EPHA5: variants seen among roughly 807,000 people sequenced by gnomAD.
EPHA5 encodes ephrin type-A receptor 5.
EPHA5 carries 60 observed loss-of-function variants against 105.0 expected under a neutral mutation model. The observed-to-expected ratio is 0.57, with a 90% CI of 0.46 to 0.71. The LOEUF (loss-of-function observed/expected upper bound fraction) is 0.71. Among genes scored for constraint, EPHA5 ranks in the 30% least tolerant of loss-of-function variants. The pLI, the probability that EPHA5 is intolerant of heterozygous loss-of-function variation, is 0.00. For missense variants in EPHA5, 1,218 were observed against 1,274.7 expected (o/e 0.96, Z 0.68); for synonymous variants, 513 against 449.1 (o/e 1.14, Z -1.80).
chr4:65,647,876 C>T (rs1467467900), intron 1 of EPHA5, among the ~76,000 whole-genome samples: 1 of 152,018 alleles, frequency 6.6e-6, no homozygotes, highest in Non-Finnish European at 1.5e-5. Context: ...TACTAAATTG[C>T]AAATTCCTAA....
chr4:65,424,537 A>C (rs1724239565), intron 5 of EPHA5, among the ~76,000 whole-genome samples: 1 of 152,106 alleles, frequency 6.6e-6, no homozygotes, highest in Admixed American at 6.6e-5. Flanking sequence ...GTGGGTGCCA[A>C]ATAAATACTA....
intron 7 of EPHA5, among the ~76,000 whole-genome samples, chr4:65,406,623 T>G (rs1722383546): frequency 6.6e-6 from 1 of 152,144 alleles, no homozygotes; most frequent in Non-Finnish European, 1.5e-5. Flanking sequence ...TCTTTCTCCC[T>G]CTTTCTGATA....
intron 7 of EPHA5, among the ~76,000 whole-genome samples, chr4:65,405,036 T>G (rs1292798577): frequency 6.6e-6 from 1 of 152,150 alleles, no homozygotes; most frequent in Non-Finnish European, 1.5e-5. Context: ...AAGCACAATA[T>G]ATTTCATAAA....
intron 3 of EPHA5, among the ~76,000 whole-genome samples, chr4:65,523,896 T>C (rs184375166): frequency 7.9e-5 from 12 of 151,994 alleles, no homozygotes; most frequent in Admixed American, 3.9e-4. Context: ...TCCACTTTCA[T>C]ATCACAAGAG....
At chr4:65,387,774 A>G (rs1445105975) in intron 8 of EPHA5, among the ~76,000 whole-genome samples, 1 of 151,842 alleles carries the variant, frequency 6.6e-6, no homozygotes, top group East Asian at 1.9e-4. Context: ...ATACTGGTTT[A>G]TTACATATTT....
intron 3 of EPHA5, among the ~76,000 whole-genome samples, chr4:65,597,905 TGAAG>T (rs528192600): frequency 4.2e-4 from 64 of 152,234 alleles, no homozygotes; most frequent in African/African-American, 1.5e-3. Context: ...TTCTGAATCT[TGAAG>T]GTTTAGTTTG....
intron 5 of EPHA5, among the ~76,000 whole-genome samples, chr4:65,476,032 T>C (rs969602672): frequency 5.3e-5 from 8 of 151,292 alleles, no homozygotes; most frequent in African/African-American, 1.9e-4. Flanking sequence ...AAAATAAATA[T>C]CAGAACTTCC....
At chr4:65,636,054 A>G (rs1406952563) in intron 2 of EPHA5, among the ~76,000 whole-genome samples, 2 of 152,176 alleles carry the variant, frequency 1.3e-5, no homozygotes, top group Non-Finnish European at 2.9e-5. Context: ...ATGCTTTCAT[A>G]ATTTTAATTA....
At chr4:65,613,226 GATCT>G (rs1744934018) in intron 2 of EPHA5, among the ~76,000 whole-genome samples, 1 of 151,970 alleles carries the variant, frequency 6.6e-6, no homozygotes, top group Non-Finnish European at 1.5e-5. Flanking sequence ...CTGTTCCACT[GATCT>G]ATCTGTCTAT....
intron 5 of EPHA5, among the ~76,000 whole-genome samples, chr4:65,441,743 A>T (rs1421413547): frequency 3.9e-5 from 6 of 152,164 alleles, no homozygotes; most frequent in African/African-American, 1.4e-4. Flanking sequence ...TAATAAAAAA[A>T]TGGTTTGGAA....
intron 7 of EPHA5, among the ~76,000 whole-genome samples, chr4:65,406,041 C>T (rs13118723): frequency 6.6e-6 from 1 of 152,058 alleles, no homozygotes; most frequent in Non-Finnish European, 1.5e-5. Flanking sequence ...AAATCATCCC[C>T]GTAATGAGAC....
At chr4:65,666,376 C>T (rs1346068960) in intron 1 of EPHA5, among the ~76,000 whole-genome samples, 1 of 152,078 alleles carries the variant, frequency 6.6e-6, no homozygotes. Flanking sequence ...CAGTAATTGG[C>T]CAAGAATCCC....
At chr4:65,436,069 A>T (rs533186960) in intron 5 of EPHA5, among the ~76,000 whole-genome samples, 1 of 152,012 alleles carries the variant, frequency 6.6e-6, no homozygotes, top group South Asian at 2.1e-4. Context: ...CGAAATAACT[A>T]TAAATAATAT....
rs2149571450 is a variant in EPHA5 at position 65,669,647 on chromosome 4, G to A, written c.96C>T (p.Tyr32=). Residue 32 remains tyrosine (Y), a synonymous_variant, in exon 1 of 17, where the codon TAC becomes TAT. Transcript: ENST00000613740. Reference sequence around the variant, plus strand: ...AGAGGGGAGCCCGTCGAGGTGCAGAGTAGCAGCCGGCCAGGGACGCTGGGG... The same window carrying A: ...AGAGGGGAGCCCGTCGAGGTGCAGAATAGCAGCCGGCCAGGGACGCTGGGG... ...PITPASLAGC[Y]SAPRRAPLWT... 3 of 1,394,730 alleles carry A rather than the reference G, an allele frequency of 2.2e-6. 1 individual carries two copies. Among genetic ancestry groups the A allele is most frequent in the Middle Eastern group, 2.0e-4 (1 of 4,944 alleles). 86.4% of individuals were successfully genotyped at this position (1,394,730 alleles called of 1,614,324 possible).
At chr4:65,411,035 A>G in intron 7 of EPHA5, among the ~76,000 whole-genome samples, 1 of 152,150 alleles carries the variant, frequency 6.6e-6, no homozygotes, top group Non-Finnish European at 1.5e-5. Flanking sequence ...TTGTTGATAT[A>G]TTGTTTTGTT....
At chr4:65,440,217 C>A (rs1725878792) in intron 5 of EPHA5, among the ~76,000 whole-genome samples, 1 of 151,796 alleles carries the variant, frequency 6.6e-6, no homozygotes, top group Admixed American at 6.6e-5. Flanking sequence ...AATATGAATA[C>A]TACTAAAATA....
intron 1 of EPHA5, among the ~76,000 whole-genome samples, chr4:65,656,378 T>A (rs1196395035): frequency 6.6e-6 from 1 of 151,372 alleles, no homozygotes; most frequent in Non-Finnish European, 1.5e-5. Context: ...AACTGAAAGC[T>A]TATGCTTAAC....
intron 2 of EPHA5, among the ~76,000 whole-genome samples, chr4:65,620,932 G>T (rs941821885): frequency 2.0e-5 from 3 of 152,108 alleles, no homozygotes; most frequent in Admixed American, 6.5e-5. Context: ...GAGATAGGAG[G>T]AAAAGAAAGT....
chr4:65,353,933 T>C (rs1218847145), intron 11 of EPHA5, among the ~76,000 whole-genome samples: 1 of 151,742 alleles, frequency 6.6e-6, no homozygotes, highest in Non-Finnish European at 1.5e-5. Flanking sequence ...ATGAAAATGG[T>C]TCTCCTTCTT....
Sources: gnomAD v4.1 joint callset for allele counts (sites outside exome capture counted in the v4.1 genomes callset) on GRCh38, gnomAD v4.1.1 for gene constraint, MANE v1.5 for transcripts, NCBI Gene and HGNC (gene_info 2026-07-23, HGNC 2026-07-21) for gene names.